TTC39C: variants seen among roughly 807,000 people sequenced by gnomAD.
TTC39C encodes tetratricopeptide repeat protein 39C.
A neutral mutation model predicts 76.3 loss-of-function variants in TTC39C; 33 were observed. That is an observed-to-expected ratio of 0.43 (90% CI 0.33 to 0.58). The LOEUF is 0.58. Among genes scored for constraint, TTC39C ranks in the 20% least tolerant of loss-of-function variants. The probability of loss-of-function intolerance (pLI) is 0.04; values close to 1 mark genes in which losing one functional copy is unlikely to be tolerated. For synonymous variants in TTC39C, 254 were observed against 260.6 expected (o/e 0.97, Z 0.24); for missense variants, 595 against 701.4 (o/e 0.85, Z 1.71).
chr18:24,020,226 C>A (rs2083502599), intron 1 of TTC39C: 1 of 1,069,816 alleles, frequency 9.3e-7, no homozygotes, highest in Admixed American at 5.3e-5. Flanking sequence ...AAAAAGGCAT[C>A]TTTTTTCCCC....
intron 6 of TTC39C, among the ~76,000 whole-genome samples, chr18:24,112,456 GAATT>G (rs2084828065): frequency 6.6e-6 from 1 of 152,178 alleles, no homozygotes; most frequent in African/African-American, 2.4e-5. Flanking sequence ...TCCGCAAATG[GAATT>G]AATACATACC....
intron 1 of TTC39C, among the ~76,000 whole-genome samples, chr18:24,052,197 G>A (rs2083959246): frequency 6.6e-6 from 1 of 152,176 alleles, no homozygotes; most frequent in Admixed American, 6.5e-5. Context: ...TGGTGACAAG[G>A]GATGATGACG....
At chr18:23,997,673 A>AGAAG (rs2083276923) in intron 1 of TTC39C, among the ~76,000 whole-genome samples, 1 of 26,614 alleles carries the variant, frequency 3.8e-5, no homozygotes, top group East Asian at 1.8e-3. Flanking sequence ...AAAGAAAGAA[A>AGAAG]GAAAGAAAGA....
intron 1 of TTC39C, among the ~76,000 whole-genome samples, chr18:24,044,164 G>A (rs1436953636): frequency 2.6e-5 from 4 of 151,998 alleles, no homozygotes; most frequent in African/African-American, 9.7e-5. Flanking sequence ...CACAGCACGG[G>A]GGCAGGTTAC....
At chr18:24,127,793 A>G (rs565109727) in intron 10 of TTC39C, among the ~76,000 whole-genome samples, 1 of 152,212 alleles carries the variant, frequency 6.6e-6, no homozygotes, top group Non-Finnish European at 1.5e-5. Flanking sequence ...GGGGATTACC[A>G]GCATAAGCCA....
intron 1 of TTC39C, among the ~76,000 whole-genome samples, chr18:24,062,286 G>T (rs2084110862): frequency 6.6e-6 from 1 of 152,190 alleles, no homozygotes; most frequent in Non-Finnish European, 1.5e-5. Flanking sequence ...TAATATTTGA[G>T]CAGGGAAAGG....
chr18:24,130,225 C>A, intron 11 of TTC39C, 88 bp from the exon 12 acceptor site: 3 of 584,476 alleles, frequency 5.1e-6, no homozygotes, highest in Non-Finnish European at 8.9e-6. Context: ...AGTATGAGTC[C>A]CCCTTCCCGC....
rs544579645 is a variant in TTC39C, at chr18:24,126,551, G to A, written c.1420+1001G>A. Among the ~76,000 whole-genome samples the A allele has an allele frequency of 2.0e-5, 3 of 151,966 alleles. No homozygotes were observed. In the East Asian group the frequency reaches 5.8e-4, roughly 29 times the overall value. ...GTAAGAAGTTTTGTACAGTGGCCCT[G>A]TAATTCGAGTAGATGTGTAACCCTC... On this transcript the variant is annotated intron_variant, in intron 10 of 13. Coordinates refer to ENST00000317571, the MANE Select transcript of TTC39C (RefSeq NM_001135993.2).
At position 24,132,875 on chromosome 18, in the gene TTC39C, C is replaced by T. The variant is rs892260781; in HGVS notation, c.*301C>T. The T allele has an allele frequency of 1.6e-4, 37 of 234,708 alleles. No homozygotes were observed. Among genetic ancestry groups the T allele is most frequent in the African/African-American group, 5.4e-4 (24 of 44,240 alleles). The allele number at this position is 234,708 out of a possible 1,614,324, so 14.5% of individuals were successfully genotyped here. On this transcript the variant is annotated 3_prime_UTR_variant, in exon 14 of 14. Coordinates refer to ENST00000317571, the MANE Select transcript of TTC39C (RefSeq NM_001135993.2). ...TTATTATTTTTAAAATAAAATCAAA[C>T]GGAACATCCAACCCAAGATCCTGTA... is the stretch of plus-strand genomic sequence containing the variant.
chr18:24,030,483 C>G (rs1189618949), intron 1 of TTC39C, among the ~76,000 whole-genome samples: 1 of 152,094 alleles, frequency 6.6e-6, no homozygotes, highest in African/African-American at 2.4e-5. Flanking sequence ...GTAGTACACT[C>G]TTGTAATCAT....
chr18:23,997,668 A>AGG (rs2083276313), intron 1 of TTC39C, among the ~76,000 whole-genome samples: 1 of 130,846 alleles, frequency 7.6e-6, no homozygotes, highest in South Asian at 2.7e-4. Context: ...GAAAGAAAGA[A>AGG]AGAAAGAAAG....
chr18:24,089,925 A>T (rs2084496803), intron 6 of TTC39C, among the ~76,000 whole-genome samples: 1 of 152,118 alleles, frequency 6.6e-6, no homozygotes, highest in Non-Finnish European at 1.5e-5. Context: ...TTATTTTAAG[A>T]TGTTAAGCAA....
chr18:24,024,009 T>C (rs2083563667), intron 1 of TTC39C, among the ~76,000 whole-genome samples: 1 of 24,242 alleles, frequency 4.1e-5, no homozygotes, highest in Admixed American at 6.2e-4. Flanking sequence ...TATATATATA[T>C]ATATATATTT....
chr18:24,100,595 T>C (rs1224148575), intron 6 of TTC39C, among the ~76,000 whole-genome samples: 5 of 152,126 alleles, frequency 3.3e-5, no homozygotes, highest in Non-Finnish European at 7.4e-5. Context: ...GTGGCCAGAG[T>C]GGAGGGCATT....
At chr18:24,018,888 T>C (rs1365314238) in intron 1 of TTC39C, among the ~76,000 whole-genome samples, 1 of 152,166 alleles carries the variant, frequency 6.6e-6, no homozygotes, top group African/African-American at 2.4e-5. Context: ...ACTTATTTTC[T>C]TCCTACCACT....
At chr18:24,118,069 A>G in intron 7 of TTC39C, 56 bp from the exon 8 acceptor site, 2 of 1,413,982 alleles carry the variant, frequency 1.4e-6, no homozygotes, top group Admixed American at 2.1e-5. Flanking sequence ...TGGCTTAAAT[A>G]TGGGTCATAG....
chr18:24,033,056 C>T (rs1402118078), intron 1 of TTC39C, among the ~76,000 whole-genome samples: 1 of 152,142 alleles, frequency 6.6e-6, no homozygotes, highest in Non-Finnish European at 1.5e-5. Context: ...AGTTTGAGAC[C>T]AGCCTGGCCA....
intron 6 of TTC39C, among the ~76,000 whole-genome samples, chr18:24,106,627 A>T (rs567241594): frequency 3.9e-4 from 60 of 152,266 alleles, no homozygotes; most frequent in African/African-American, 1.4e-3. Context: ...TCAGAGACCC[A>T]TGGGGATGAG....
At position 24,132,765 on chromosome 18, in the gene TTC39C, G is replaced by A. The variant is rs1209370708; in HGVS notation, c.*191G>A. The A allele has an allele frequency of 8.4e-6, 4 of 474,942 alleles. No individual in the cohort carries two copies. The highest frequency in any genetic ancestry group is 7.7e-5 in the South Asian group (2 of 25,854). The allele number at this position is 474,942 out of a possible 1,614,324, so 29.4% of individuals were successfully genotyped here. On this transcript the variant is annotated 3_prime_UTR_variant, in exon 14 of 14. Transcript: ENST00000317571. The stretch of plus-strand genomic sequence containing the variant: ...CATGTAGCTGAAAAGTAATAATGAT[G>A]TTGAGGAGGATGATGATGGTAATAA...
Sources: allele counts gnomAD v4.1 joint callset (sites outside exome capture counted in the v4.1 genomes callset), GRCh38; gene constraint gnomAD v4.1.1; transcripts MANE v1.5; gene names NCBI Gene and HGNC (gene_info 2026-07-23, HGNC 2026-07-21).